The following HIVEP1 variants were observed in gnomAD, a reference collection of about 807,000 sequenced individuals.
HIVEP1 encodes the protein HIVEP zinc finger 1.
A neutral mutation model predicts 180.0 loss-of-function variants in HIVEP1; 36 were observed. The ratio of observed to expected loss-of-function variants is 0.20; its 90% CI spans 0.15 to 0.26. HIVEP1 has a LOEUF of 0.26. Ranked by LOEUF, HIVEP1 falls within the 10% of genes least tolerant of loss-of-function variation. The pLI is 1.00. For missense variants in HIVEP1, 3,143 were observed against 3,268.7 expected (o/e 0.96, Z 0.94); for synonymous variants, 1,239 against 1,239.0 (o/e 1.00, Z 0.00).
chr6:12,123,219 C>A lies in HIVEP1; in HGVS notation c.3424C>A (p.Leu1142Met), dbSNP rs747490045. The A allele has an allele frequency of 6.2e-7, 1 of 1,614,204 alleles. No homozygotes were observed. The highest frequency in any genetic ancestry group is 8.5e-7 in the Non-Finnish European group (1 of 1,180,032). ...GISVIQHTNS[L>M]SRPNSFDKPE... is the part of the protein sequence containing the mutation. ...CTCTGTCATCCAGCACACCAACTCC[C>A]TGAGCAGGCCCAACTCATTTGACAA... Residue 1142 changes from leucine to methionine, a missense_variant, in exon 4 of 9, where the codon CTG becomes ATG. Transcript: ENST00000379388.
At chr6:12,129,457 A>G (rs1758286747) in intron 4 of HIVEP1, 2 of 396,810 alleles carry the variant, frequency 5.0e-6, no homozygotes, top group Non-Finnish European at 4.7e-6. Flanking sequence ...TTAGTCTACT[A>G]AAAAAAGTTT....
At chr6:12,211,297 G>C in the HIVEP1 span, among the ~76,000 whole-genome samples, 3 of 96,976 alleles carry the variant, frequency 3.1e-5, no homozygotes, top group East Asian at 1.2e-3. Context: ...CTACTCCGGA[G>C]GCTGAGGCAG....
At chr6:12,084,982 TAAA>T (rs1205735609) in intron 2 of HIVEP1, among the ~76,000 whole-genome samples, 1 of 152,140 alleles carries the variant, frequency 6.6e-6, no homozygotes, top group African/African-American at 2.4e-5. Context: ...TTAAAGATGA[TAAA>T]ATGCTAGATT....
At chr6:12,034,356 A>G (rs1407103652) in intron 2 of HIVEP1, among the ~76,000 whole-genome samples, 2 of 152,216 alleles carry the variant, frequency 1.3e-5, no homozygotes, top group Admixed American at 1.3e-4. Flanking sequence ...TTATTAAGTA[A>G]AAGTTTAGAC....
the HIVEP1 span, among the ~76,000 whole-genome samples, chr6:12,205,403 A>G: frequency 5.1e-4 from 77 of 152,054 alleles, no homozygotes; most frequent in Middle Eastern, 3.4e-3. Flanking sequence ...CCCGGGAGGC[A>G]GAGCTTGCAG....
At chr6:12,020,472 C>T (rs1283407911) in intron 2 of HIVEP1, 23 of 470,786 alleles carry the variant, frequency 4.9e-5, no homozygotes, top group Admixed American at 3.3e-4. Flanking sequence ...CCTTACTCAT[C>T]GCTGCTCTGT....
chr6:12,201,358 T>C, the HIVEP1 span, among the ~76,000 whole-genome samples: 1 of 152,090 alleles, frequency 6.6e-6, no homozygotes, highest in Non-Finnish European at 1.5e-5. Context: ...ACAACTGTAG[T>C]CCCAGCTACT....
At chr6:12,048,447 A>G (rs747037969) in intron 2 of HIVEP1, among the ~76,000 whole-genome samples, 2 of 152,230 alleles carry the variant, frequency 1.3e-5, no homozygotes, top group African/African-American at 2.4e-5. Flanking sequence ...CTCTCCAGCA[A>G]TTCTTGGCCT....
chr6:12,152,149 C>T (rs2113653705), intron 7 of HIVEP1, among the ~76,000 whole-genome samples: 1 of 152,144 alleles, frequency 6.6e-6, no homozygotes, highest in African/African-American at 2.4e-5. Context: ...GAGCAAGACT[C>T]CAAGACTTCA....
intron 2 of HIVEP1, among the ~76,000 whole-genome samples, chr6:12,042,917 C>T (rs1769869673): frequency 6.6e-6 from 1 of 152,106 alleles, no homozygotes; most frequent in Non-Finnish European, 1.5e-5. Context: ...GATCTTTAAT[C>T]CATTTGTACT....
chr6:12,010,167 A>G (rs1024130449), upstream of HIVEP1, among the ~76,000 whole-genome samples: 4 of 152,380 alleles, frequency 2.6e-5, no homozygotes, highest in African/African-American at 9.6e-5. Context: ...CATTTCACAA[A>G]TGAGAGATGG....
chr6:12,164,505 AG>A lies in HIVEP1; in HGVS notation c.*46del. The A allele has an allele frequency of 6.9e-7, 1 of 1,446,326 alleles. No individual in the cohort carries two copies. Among genetic ancestry groups the A allele is most frequent in the Non-Finnish European group, 9.3e-7 (1 of 1,074,244 alleles). The allele number at this position is 1,446,326 out of a possible 1,614,324, so 89.6% of individuals were successfully genotyped here. ...TGCTTTTTTTTTATATAACACTTAA[AG>A]GTTTCTTTGAAAACCCTCCTTTCCT... On this transcript the variant is annotated 3_prime_UTR_variant, in exon 9 of 9. Coordinates refer to ENST00000379388, the MANE Select transcript of HIVEP1 (RefSeq NM_002114.4).
chr6:12,168,304 TAC>T (rs1760805051), downstream of HIVEP1, among the ~76,000 whole-genome samples: 2 of 127,884 alleles, frequency 1.6e-5, no homozygotes. Flanking sequence ...TATACATATA[TAC>T]ATATATTATA....
At chr6:12,176,272 C>A in the HIVEP1 span, among the ~76,000 whole-genome samples, 17 of 132,556 alleles carry the variant, frequency 1.3e-4, no homozygotes, top group East Asian at 3.7e-3. Context: ...TCGCTCTTGT[C>A]CCCCAGGCTG....
chr6:12,018,369 C>T (rs1398029994), intron 2 of HIVEP1, among the ~76,000 whole-genome samples: 2 of 152,232 alleles, frequency 1.3e-5, no homozygotes, highest in East Asian at 1.9e-4. Context: ...TCCTCAAGCG[C>T]GGCCAGAGTG....
chr6:12,108,903 G>A (rs1264022557), intron 3 of HIVEP1, among the ~76,000 whole-genome samples: 3 of 152,250 alleles, frequency 2.0e-5, no homozygotes, highest in African/African-American at 4.8e-5. Flanking sequence ...CAGAGGAGGC[G>A]CCGAGAGGGA....
At chr6:12,166,517 A>G (rs80239873), downstream of HIVEP1, among the ~76,000 whole-genome samples, 2,009 of 152,288 alleles carry the variant, frequency 0.013, 37 homozygotes, top group African/African-American at 0.044. Flanking sequence ...TTCAAGCTTT[A>G]TTGTAGCCTT....
intron 6 of HIVEP1, among the ~76,000 whole-genome samples, chr6:12,133,736 A>C (rs1289807132): frequency 6.6e-6 from 1 of 152,240 alleles, no homozygotes; most frequent in Non-Finnish European, 1.5e-5. Context: ...TAATCCTAGC[A>C]CTTTGGGAGG....
intron 2 of HIVEP1, among the ~76,000 whole-genome samples, chr6:12,065,369 G>A (rs1771504106): frequency 6.6e-6 from 1 of 152,198 alleles, no homozygotes; most frequent in Non-Finnish European, 1.5e-5. Flanking sequence ...GGTGCTGTTG[G>A]TGCACACTGG....
Sources: allele counts gnomAD v4.1 joint callset (sites outside exome capture counted in the v4.1 genomes callset), GRCh38; gene constraint gnomAD v4.1.1; transcripts MANE v1.5; gene names NCBI Gene and HGNC (gene_info 2026-07-23, HGNC 2026-07-21).